Variants in MGAT4C observed in about 807,000 individuals in gnomAD.
MGAT4C encodes the protein MGAT4 family member C.
MGAT4C carries 19 observed loss-of-function variants against 40.1 expected under a neutral mutation model. That is an observed-to-expected ratio of 0.47 (90% CI 0.33 to 0.70). MGAT4C has a LOEUF of 0.70. Ranked by LOEUF, MGAT4C falls within the 30% of genes least tolerant of loss-of-function variation. The pLI, the probability that MGAT4C is intolerant of heterozygous loss-of-function variation, is 0.02. For missense variants in MGAT4C, 491 were observed against 563.2 expected, an observed-to-expected ratio of 0.87 and a Z score of 1.30; for synonymous variants, 181 against 187.1, an observed-to-expected ratio of 0.97 and a Z score of 0.27.
chr12:86,515,782 G>A (rs1958674855), intron 2 of MGAT4C, among the ~76,000 whole-genome samples: 1 of 140,328 alleles, frequency 7.1e-6, no homozygotes. Flanking sequence ...TCTGTCTGTC[G>A]CCCAGGCTGG....
chr12:86,219,776 C>T (rs895634264), intron 1 of MGAT4C, among the ~76,000 whole-genome samples: 6 of 152,074 alleles, frequency 3.9e-5, no homozygotes, highest in Non-Finnish European at 7.4e-5. Context: ...TCACTCCTGC[C>T]GGAAAACATA....
chr12:86,496,389 GA>G (rs1331179994), intron 2 of MGAT4C, among the ~76,000 whole-genome samples: 2 of 152,048 alleles, frequency 1.3e-5, no homozygotes, highest in East Asian at 3.9e-4. Flanking sequence ...ATAATTATTA[GA>G]ATGATTTCAG....
chr12:86,344,162 A>G (rs138755306), intron 3 of MGAT4C, among the ~76,000 whole-genome samples: 4 of 152,340 alleles, frequency 2.6e-5, no homozygotes, highest in African/African-American at 9.6e-5. Flanking sequence ...CTTCAGAAAC[A>G]TTGAATAAAT....
intron 2 of MGAT4C, 84 bp from the exon 3 acceptor site, chr12:85,989,636 G>T: frequency 8.0e-7 from 1 of 1,250,196 alleles, no homozygotes. Flanking sequence ...TCAGGTCCTT[G>T]TAAAATTTCA....
intron 1 of MGAT4C, among the ~76,000 whole-genome samples, chr12:86,138,600 T>C (rs1367584457): frequency 1.4e-5 from 2 of 147,552 alleles, no homozygotes; most frequent in Non-Finnish European, 3.0e-5. Context: ...TCCATATATA[T>C]ATTTCCATAG....
intron 1 of MGAT4C, among the ~76,000 whole-genome samples, chr12:86,056,632 A>C (rs1156767549): frequency 6.6e-6 from 1 of 152,120 alleles, no homozygotes; most frequent in East Asian, 1.9e-4. Context: ...CCAGTCTATC[A>C]TTGATGGACA....
intron 1 of MGAT4C, among the ~76,000 whole-genome samples, chr12:86,083,149 A>T (rs970386655): frequency 6.6e-6 from 1 of 152,096 alleles, no homozygotes; most frequent in South Asian, 2.1e-4. Context: ...TGCCATTTAA[A>T]TAATTGACAA....
At chr12:86,393,111 TA>T (rs1293486978) in intron 3 of MGAT4C, among the ~76,000 whole-genome samples, 1 of 152,168 alleles carries the variant, frequency 6.6e-6, no homozygotes, top group Non-Finnish European at 1.5e-5. Flanking sequence ...AAAATTACTC[TA>T]AAAATACTTA....
At chr12:86,628,780 C>G (rs1565892527) in intron 2 of MGAT4C, among the ~76,000 whole-genome samples, 1 of 152,092 alleles carries the variant, frequency 6.6e-6, no homozygotes, top group Non-Finnish European at 1.5e-5. Flanking sequence ...CAGTGCAAGC[C>G]ACTGCAAAAA....
intron 1 of MGAT4C, among the ~76,000 whole-genome samples, chr12:86,137,594 C>T (rs552440846): frequency 4.6e-5 from 7 of 152,148 alleles, no homozygotes; most frequent in Non-Finnish European, 8.8e-5. Context: ...TCACCTTATA[C>T]GCTCAAGAAA....
chr12:86,063,128 AG>A (rs1458706573), intron 1 of MGAT4C, among the ~76,000 whole-genome samples: 4 of 152,180 alleles, frequency 2.6e-5, no homozygotes, highest in Non-Finnish European at 5.9e-5. Flanking sequence ...CCAGAGAGAA[AG>A]GTCGGGTTAC....
intron 3 of MGAT4C, among the ~76,000 whole-genome samples, chr12:86,366,944 C>T (rs1955611569): frequency 6.6e-6 from 1 of 151,908 alleles, no homozygotes; most frequent in Admixed American, 6.6e-5. Context: ...ATATAATGAA[C>T]CACTTTAATA....
chr12:86,426,903 T>C (rs1296451106), intron 3 of MGAT4C, among the ~76,000 whole-genome samples: 2 of 151,880 alleles, frequency 1.3e-5, no homozygotes, highest in African/African-American at 2.4e-5. Context: ...GCTGAGATCA[T>C]GCCACTGCAC....
chr12:86,457,117 G>A (rs893087027), intron 2 of MGAT4C, among the ~76,000 whole-genome samples: 1 of 151,912 alleles, frequency 6.6e-6, no homozygotes, highest in South Asian at 2.1e-4. Flanking sequence ...ACTTTTTCTA[G>A]TATATTGTAC....
chr12:85,967,082 T>A lies in MGAT4C; in HGVS notation c.*12207A>T. On this transcript the variant is annotated 3_prime_UTR_variant, in exon 5 of 5. Coordinates refer to ENST00000611864, the MANE Select transcript of MGAT4C (RefSeq NM_001351288.2). ...TCTTAGTTATTTGAAAATAGTTTTT[T>A]TGAATTCACAAACTTGCAGGATGAA... 1 of 152,178 alleles carries A rather than the reference T, an allele frequency of 6.6e-6. No individual in the cohort carries two copies. The highest frequency in any genetic ancestry group is 2.4e-5 in the African/African-American group (1 of 41,444). The allele number at this position is 152,178 out of a possible 1,614,324, so 9.4% of individuals were successfully genotyped here. A position where few individuals can be genotyped will look rare whatever the true frequency, so the allele number is the denominator to read the frequency against.
intron 4 of MGAT4C, among the ~76,000 whole-genome samples, chr12:86,322,139 C>T (rs1172210127): frequency 2.0e-5 from 3 of 147,388 alleles, no homozygotes; most frequent in Admixed American, 7.1e-5. Flanking sequence ...AACCAAACAC[C>T]GCATGTTTTC....
chr12:86,591,657 AAC>A (rs1961336875), intron 2 of MGAT4C, among the ~76,000 whole-genome samples: 1 of 151,752 alleles, frequency 6.6e-6, no homozygotes, highest in Non-Finnish European at 1.5e-5. Flanking sequence ...AATACACATA[AAC>A]TTGTAATATT....
chr12:86,108,655 C>A (rs1193389731), intron 1 of MGAT4C, among the ~76,000 whole-genome samples: 1 of 152,020 alleles, frequency 6.6e-6, no homozygotes, highest in African/African-American at 2.4e-5. Flanking sequence ...CCTGAAAAAT[C>A]CTTTTGACAT....
intron 3 of MGAT4C, among the ~76,000 whole-genome samples, chr12:86,423,273 T>A (rs1392558571): frequency 6.6e-6 from 1 of 151,844 alleles, no homozygotes; most frequent in Non-Finnish European, 1.5e-5. Flanking sequence ...TAAAACACTA[T>A]TAAATATTAA....
Sources: gnomAD v4.1 joint callset for allele counts (sites outside exome capture counted in the v4.1 genomes callset) on GRCh38, gnomAD v4.1.1 for gene constraint, MANE v1.5 for transcripts, NCBI Gene and HGNC (gene_info 2026-07-23, HGNC 2026-07-21) for gene names.